ADAM22: variants seen among roughly 807,000 people sequenced by gnomAD.
ADAM22 encodes ADAM metallopeptidase domain 22.
Under a neutral mutation model 144.6 loss-of-function variants are expected in ADAM22, and 65 were observed. The observed-to-expected ratio is 0.45, with a 90% CI of 0.37 to 0.55. The LOEUF (loss-of-function observed/expected upper bound fraction) is 0.55. ADAM22 is among the 20% of genes least tolerant of loss of function. The pLI is 0.00. For synonymous variants in ADAM22, 391 were observed against 412.6 expected (o/e 0.95, Z 0.63); for missense variants, 974 against 1,184.9 (o/e 0.82, Z 2.61).
At chr7:88,085,005 A>G (rs1463099034) in intron 4 of ADAM22, among the ~76,000 whole-genome samples, 1 of 152,134 alleles carries the variant, frequency 6.6e-6, no homozygotes, top group South Asian at 2.1e-4. Flanking sequence ...CATCATTCCT[A>G]TTGAACTAGG....
chr7:87,974,402 G>C (rs1427721737), intron 2 of ADAM22, among the ~76,000 whole-genome samples: 1 of 152,120 alleles, frequency 6.6e-6, no homozygotes, highest in African/African-American at 2.4e-5. Context: ...GTAGGTTCCT[G>C]AATATTGGAA....
At chr7:88,011,308 G>A (rs1020040971) in intron 3 of ADAM22, among the ~76,000 whole-genome samples, 2 of 152,126 alleles carry the variant, frequency 1.3e-5, no homozygotes, top group African/African-American at 2.4e-5. Flanking sequence ...TTGGGAGGCC[G>A]AGGCGGGCGG....
At chr7:88,019,448 C>G (rs1797246533) in intron 3 of ADAM22, among the ~76,000 whole-genome samples, 1 of 151,958 alleles carries the variant, frequency 6.6e-6, no homozygotes, top group South Asian at 2.1e-4. Context: ...GGACTCCTGC[C>G]TGGGCGACAG....
At chr7:88,135,778 A>C (rs1189578682) in intron 13 of ADAM22, among the ~76,000 whole-genome samples, 1 of 152,318 alleles carries the variant, frequency 6.6e-6, no homozygotes, top group East Asian at 1.9e-4. Flanking sequence ...TGGGGCAAAA[A>C]TTATATAATC....
At position 88,130,468 on chromosome 7, in the gene ADAM22, C is replaced by G. The variant is rs758458271; in HGVS notation, c.825+9C>G. ...TGAACATGGCAGATTTAGTAAGTAT[C>G]AACCCCGTTCATTATTGCCCTAGAA... On this transcript the variant is annotated intron_variant, in intron 10 of 31. Transcript: ENST00000413139. The G allele has an allele frequency of 1.5e-5, 24 of 1,608,664 alleles. No individual in the cohort carries two copies. In the South Asian group the frequency reaches 2.5e-4, roughly 17 times the overall value.
rs1423923953 is a variant in ADAM22, at chr7:88,165,934, C to T, written c.2179C>T (p.Leu727=). 3.7e-6 allele frequency: 6 copies of T among 1,609,084 alleles called. 1 individual carries two copies. The highest frequency in any genetic ancestry group is 4.2e-6 in the Non-Finnish European group (5 of 1,177,488). The change falls in exon 24 of 32, where the codon CTG becomes TTG. Residue 727 remains leucine, a synonymous_variant. Coordinates refer to ENST00000413139, the MANE Select transcript of ADAM22 (RefSeq NM_001324418.2). ...TGATGATGCAAAGACTGGTATCACT[C>T]TGTCTGGCAATGGTAAGTACTTAAT... ...HNDDAKTGIT[L]SGNGVAGTNI...
At chr7:88,167,405 A>G (rs187173735) in intron 24 of ADAM22, among the ~76,000 whole-genome samples, 6 of 152,198 alleles carry the variant, frequency 3.9e-5, no homozygotes, top group Admixed American at 6.5e-5. Flanking sequence ...CTGCCTGACA[A>G]TGGATACTGG....
chr7:87,945,107 C>T (rs921271927), intron 2 of ADAM22, among the ~76,000 whole-genome samples: 1 of 152,076 alleles, frequency 6.6e-6, no homozygotes, highest in Non-Finnish European at 1.5e-5. Flanking sequence ...CTGTGCCTTG[C>T]ATGGATCAGG....
rs755526707 is a variant in ADAM22 at position 88,128,688 on chromosome 7, T to C, written c.753+12T>C. Reference sequence around the variant, plus strand: ...ATGATCACCTTATGGTAGGATTTGCTGTTGTTTTTAAGCCTGTTTGTGCCT... The same window carrying C: ...ATGATCACCTTATGGTAGGATTTGCCGTTGTTTTTAAGCCTGTTTGTGCCT... On this transcript the variant is annotated intron_variant, in intron 9 of 31. Coordinates refer to ENST00000413139, the MANE Select transcript of ADAM22 (RefSeq NM_001324418.2). The C allele has an allele frequency of 4.3e-6, 7 of 1,609,198 alleles. No homozygotes were observed. The highest frequency in any genetic ancestry group is 2.2e-5 in the East Asian group (1 of 44,778).
At chr7:88,107,457 T>A (rs1824747025) in intron 4 of ADAM22, among the ~76,000 whole-genome samples, 1 of 152,110 alleles carries the variant, frequency 6.6e-6, no homozygotes, top group African/African-American at 2.4e-5. Flanking sequence ...CACCTCAGTC[T>A]CCCAAAGTGC....
intron 3 of ADAM22, among the ~76,000 whole-genome samples, chr7:88,057,134 T>TG (rs1808463374): frequency 6.6e-6 from 1 of 152,100 alleles, no homozygotes; most frequent in African/African-American, 2.4e-5. Flanking sequence ...AATCTTTTTT[T>TG]TTTTTTCTTA....
At chr7:88,017,210 G>A (rs191264919) in intron 3 of ADAM22, among the ~76,000 whole-genome samples, 33 of 152,256 alleles carry the variant, frequency 2.2e-4, no homozygotes, top group Admixed American at 3.9e-4. Flanking sequence ...TTATAGCACC[G>A]TAGGGTGAAT....
At chr7:88,162,136 T>C (rs1466606032) in intron 22 of ADAM22, among the ~76,000 whole-genome samples, 1 of 70,312 alleles carries the variant, frequency 1.4e-5, no homozygotes, top group Non-Finnish European at 2.6e-5. Flanking sequence ...ACACACACCA[T>C]GGAATACTAT....
chr7:88,028,809 A>T (rs532203883), intron 3 of ADAM22, among the ~76,000 whole-genome samples: 119 of 152,166 alleles, frequency 7.8e-4, no homozygotes, highest in Non-Finnish European at 1.2e-4. Flanking sequence ...TTTGTCTGAC[A>T]TAAGTATAGC....
At chr7:88,000,107 C>T (rs1792181301) in intron 3 of ADAM22, among the ~76,000 whole-genome samples, 1 of 152,008 alleles carries the variant, frequency 6.6e-6, no homozygotes, top group African/African-American at 2.4e-5. Flanking sequence ...TGGAATATGT[C>T]TACATTCAGT....
chr7:88,059,820 C>T (rs1027296803), intron 3 of ADAM22, among the ~76,000 whole-genome samples: 1 of 152,018 alleles, frequency 6.6e-6, no homozygotes. Flanking sequence ...ATTGGGTACG[C>T]ATGGTGGACA....
chr7:87,959,663 G>A (rs1178232840), intron 2 of ADAM22, among the ~76,000 whole-genome samples: 3 of 152,052 alleles, frequency 2.0e-5, no homozygotes, highest in Admixed American at 6.6e-5. Context: ...ACTTCAATAT[G>A]CAAATCAAAA....
At chr7:88,183,810 C>G (rs965816669) in intron 29 of ADAM22, among the ~76,000 whole-genome samples, 12 of 147,048 alleles carry the variant, frequency 8.2e-5, no homozygotes, top group African/African-American at 2.8e-4. Flanking sequence ...AACTGTCTCT[C>G]TATATATACA....
At chr7:88,062,578 C>T (rs913672189) in intron 3 of ADAM22, among the ~76,000 whole-genome samples, 2 of 152,172 alleles carry the variant, frequency 1.3e-5, no homozygotes, top group African/African-American at 4.8e-5. Flanking sequence ...GCTTTTTTAT[C>T]ATTCATGTGT....
Sources: allele counts gnomAD v4.1 joint callset (sites outside exome capture counted in the v4.1 genomes callset), GRCh38; gene constraint gnomAD v4.1.1; transcripts MANE v1.5; gene names NCBI Gene and HGNC (gene_info 2026-07-23, HGNC 2026-07-21).